COPG2: variants seen among roughly 807,000 people sequenced by gnomAD.
COPG2 encodes the protein coatomer subunit gamma-2.
A neutral mutation model predicts 46.3 loss-of-function variants in COPG2; 37 were observed. The ratio of observed to expected loss-of-function variants is 0.80; its 90% CI spans 0.61 to 1.05. The LOEUF is 1.05. Ranked by LOEUF, COPG2 falls within the 50% of genes least tolerant of loss-of-function variation. COPG2 has a pLI of 0.00. For missense variants in COPG2, 427 were observed against 387.8 expected, an observed-to-expected ratio of 1.10 and a Z score of -0.85; for synonymous variants, 159 against 129.7, an observed-to-expected ratio of 1.23 and a Z score of -1.53.
chr7:130,527,483 A>G, intron 20 of COPG2, among the ~76,000 whole-genome samples: 1 of 148,584 alleles, frequency 6.7e-6, no homozygotes, highest in East Asian at 2.0e-4. Flanking sequence ...CACCCGAGGG[A>G]GGGCTGGGGG....
chr7:130,590,000 GT>G (rs1309571033), intron 9 of COPG2, among the ~76,000 whole-genome samples: 2 of 152,064 alleles, frequency 1.3e-5, no homozygotes, highest in Admixed American at 1.3e-4. Flanking sequence ...CGTAAAAGAC[GT>G]TAAATTTTTG....
intron 4 of COPG2, among the ~76,000 whole-genome samples, chr7:130,660,748 C>T (rs917172433): frequency 6.6e-6 from 1 of 152,154 alleles, no homozygotes; most frequent in Non-Finnish European, 1.5e-5. Context: ...CAATGATCAC[C>T]CACTGCCACA....
intron 5 of COPG2, among the ~76,000 whole-genome samples, chr7:130,628,517 A>G (rs1795162343): frequency 6.6e-6 from 1 of 152,210 alleles, no homozygotes; most frequent in Admixed American, 6.5e-5. Context: ...ATTTTTATAT[A>G]TGCTTTAAAC....
At chr7:130,607,715 G>T in intron 9 of COPG2, 1 of 519,848 alleles carries the variant, frequency 1.9e-6, no homozygotes, top group Non-Finnish European at 3.8e-6. Flanking sequence ...TCTTTTCCAG[G>T]TTTTCCACTC....
intron 9 of COPG2, among the ~76,000 whole-genome samples, chr7:130,577,339 G>A (rs535571003): frequency 2.0e-5 from 3 of 152,366 alleles, no homozygotes; most frequent in African/African-American, 7.2e-5. Context: ...GAACCAGGGC[G>A]AGGCATTGCC....
At position 130,548,787 on chromosome 7, in the gene COPG2, A is replaced by G. The variant is rs1016983475; in HGVS notation, c.1838-245T>C. The stretch of plus-strand genomic sequence containing the variant: ...AAAAAAATTAGTCAGGCGTGGTGGC[A>G]GGCGCCTGTAGTCCCAGCTACTCGG... On this transcript the variant is annotated intron_variant, in intron 18 of 23. Transcript: ENST00000425248. 5.3e-5 allele frequency among the ~76,000 whole-genome samples: 8 copies of G among 152,102 alleles called. No individual in the cohort carries two copies. In the East Asian group the frequency reaches 1.4e-3, roughly 26 times the overall value.
intron 9 of COPG2, among the ~76,000 whole-genome samples, chr7:130,598,126 A>G (rs910565242): frequency 1.3e-5 from 2 of 151,974 alleles, no homozygotes; most frequent in Non-Finnish European, 2.9e-5. Context: ...GGGCTGGTTC[A>G]TGGTATAAGA....
chr7:130,515,430 A>C (rs1459292673), intron 20 of COPG2, among the ~76,000 whole-genome samples: 8 of 152,160 alleles, frequency 5.3e-5, no homozygotes, highest in Admixed American at 4.6e-4. Context: ...ATTTATGAGA[A>C]ACTGGCCTCA....
intron 3 of COPG2, among the ~76,000 whole-genome samples, chr7:130,666,648 T>G (rs1796083111): frequency 6.6e-6 from 1 of 152,212 alleles, no homozygotes; most frequent in Non-Finnish European, 1.5e-5. Context: ...TTCCGAGCAT[T>G]GCAAAGAAGG....
chr7:130,546,221 C>T (rs1260325171), intron 20 of COPG2, among the ~76,000 whole-genome samples: 1 of 152,132 alleles, frequency 6.6e-6, no homozygotes, highest in Non-Finnish European at 1.5e-5. Context: ...CAGAGTCTCT[C>T]CAGACAATGG....
At chr7:130,527,310 G>T in intron 20 of COPG2, among the ~76,000 whole-genome samples, 1 of 151,592 alleles carries the variant, frequency 6.6e-6, no homozygotes, top group Middle Eastern at 3.4e-3. Flanking sequence ...AGCAGAGAGT[G>T]CCTGGCATAC....
intron 20 of COPG2, among the ~76,000 whole-genome samples, chr7:130,516,882 G>A (rs1799682300): frequency 6.6e-6 from 1 of 152,162 alleles, no homozygotes; most frequent in Admixed American, 6.5e-5. Flanking sequence ...GCAGGCCAGT[G>A]GCAAGAATCC....
intron 6 of COPG2, among the ~76,000 whole-genome samples, chr7:130,614,376 T>C (rs1794910068): frequency 6.6e-6 from 1 of 152,226 alleles, no homozygotes; most frequent in Admixed American, 6.5e-5. Flanking sequence ...TTACTCCTTC[T>C]AGAATCCAGA....
chr7:130,631,636 T>A (rs1265240775), intron 5 of COPG2, among the ~76,000 whole-genome samples: 1 of 152,248 alleles, frequency 6.6e-6, no homozygotes, highest in Admixed American at 6.5e-5. Context: ...AAACACTTCA[T>A]AAAGAGGATA....
At chr7:130,555,015 G>A (rs1793598254) in intron 13 of COPG2, 22 bp downstream of exon 13, 1 of 398,414 alleles carries the variant, frequency 2.5e-6, no homozygotes, top group Non-Finnish European at 4.4e-6. Context: ...AACTTCCTAT[G>A]ATTAAAAAGT....
intron 5 of COPG2, among the ~76,000 whole-genome samples, chr7:130,639,427 T>C (rs1795418149): frequency 6.6e-6 from 1 of 152,166 alleles, no homozygotes; most frequent in Non-Finnish European, 1.5e-5. Context: ...CTTGAAAATT[T>C]CCAAGTTTTT....
intron 10 of COPG2, among the ~76,000 whole-genome samples, chr7:130,563,701 C>T (rs1793753907): frequency 1.4e-5 from 2 of 144,414 alleles, no homozygotes; most frequent in Admixed American, 1.4e-4. Context: ...TTGCAGTGAG[C>T]CGAGCTATCG....
At chr7:130,541,470 A>G (rs924155249) in intron 20 of COPG2, among the ~76,000 whole-genome samples, 27 of 151,934 alleles carry the variant, frequency 1.8e-4, no homozygotes, top group South Asian at 6.2e-4. Context: ...AGAGGAGCTG[A>G]GTCTCAGGCA....
intron 10 of COPG2, 141 bp from the exon 11 acceptor site, chr7:130,563,477 T>C: frequency 2.7e-6 from 1 of 376,992 alleles, no homozygotes; most frequent in Non-Finnish European, 4.7e-6. Flanking sequence ...TACCTATATA[T>C]GCTGTGAATA....
Sources: gnomAD v4.1 joint callset for allele counts (sites outside exome capture counted in the v4.1 genomes callset) on GRCh38, gnomAD v4.1.1 for gene constraint, MANE v1.5 for transcripts, NCBI Gene and HGNC (gene_info 2026-07-23, HGNC 2026-07-21) for gene names.